HK2: variants seen among roughly 807,000 people sequenced by gnomAD.
The protein encoded by HK2 is hexokinase 2, also known as hexokinase-2.
Under a neutral mutation model 92.9 loss-of-function variants are expected in HK2, and 42 were observed. The observed-to-expected ratio is 0.45, with a 90% CI of 0.35 to 0.58. The LOEUF is 0.58. Ranked by LOEUF, HK2 falls within the 20% of genes least tolerant of loss-of-function variation. The pLI is 0.00. For synonymous variants in HK2, 422 were observed against 468.0 expected, an observed-to-expected ratio of 0.90 and a Z score of 1.27; for missense variants, 978 against 1,245.1, an observed-to-expected ratio of 0.79 and a Z score of 3.23.
At chr2:74,848,175 C>T (rs1263438711) in intron 1 of HK2, among the ~76,000 whole-genome samples, 1 of 152,108 alleles carries the variant, frequency 6.6e-6, no homozygotes, top group Admixed American at 6.5e-5. Flanking sequence ...TCTCTCAGGC[C>T]ACTTAAATCT....
chr2:74,856,302 GTGTT>G (rs1688694811), intron 2 of HK2, among the ~76,000 whole-genome samples: 1 of 152,114 alleles, frequency 6.6e-6, no homozygotes, highest in Non-Finnish European at 1.5e-5. Flanking sequence ...AAATAAGTAA[GTGTT>G]TGCTGAAGCC....
At position 74,841,272 on chromosome 2, in the gene HK2, G is replaced by A. The variant is rs142610862; in HGVS notation, c.63+6629G>A. ...GGTTGTCACAAAGGTTTGGGTGAGTGTGTGTTACTGACATCTAGTAAGCAG... is the reference window on the plus strand; with the variant it reads ...GGTTGTCACAAAGGTTTGGGTGAGTATGTGTTACTGACATCTAGTAAGCAG... On this transcript the variant is annotated intron_variant, in intron 1 of 17. Transcript: ENST00000290573. 3.0e-4 allele frequency among the ~76,000 whole-genome samples: 45 copies of A among 151,814 alleles called. No homozygotes were observed. In the East Asian group the frequency reaches 6.2e-3, roughly 21 times the overall value.
In HK2 at chr2:74,834,786, C is replaced by A; in HGVS notation, c.63+143C>A. On this transcript the variant is annotated intron_variant, in intron 1 of 17. Transcript: ENST00000290573. The surrounding 1 kb of genome is among the most constrained non-coding windows in gnomAD (Gnocchi z 4.2). ...AAAAAGTTTGGGCAGCCGGGACACT[C>A]CTGGGCGCCAGGAGCCACGTCCGCT... The A allele has an allele frequency of 1.1e-6, 1 of 893,236 alleles. No individual in the cohort carries two copies. The highest frequency in any genetic ancestry group is 1.4e-5 in the South Asian group (1 of 73,296). The allele number at this position is 893,236 out of a possible 1,614,324, so 55.3% of individuals were successfully genotyped here.
At position 74,835,622 on chromosome 2, in the gene HK2, G is replaced by C. The variant is rs373529197; in HGVS notation, c.63+979G>C. On this transcript the variant is annotated intron_variant, in intron 1 of 17. Transcript: ENST00000290573. ...GGGTATGGGGGTGGGGATGGGGCCG[G>C]GGCCGGGGACGGGCAGGGCCAGGGG... Among the ~76,000 whole-genome samples the C allele has an allele frequency of 3.6e-4, 55 of 152,322 alleles. 1 individual carries two copies. In the East Asian group the frequency reaches 0.01, roughly 29 times the overall value.
At chr2:74,846,383 C>T (rs1688436994) in intron 1 of HK2, among the ~76,000 whole-genome samples, 1 of 152,082 alleles carries the variant, frequency 6.6e-6, no homozygotes, top group Non-Finnish European at 1.5e-5. Flanking sequence ...CAGCAGGTAA[C>T]CACCATCCAG....
chr2:74,887,808 G>T (rs968961802), intron 15 of HK2, 95 bp from the exon 16 acceptor site: 76 of 1,136,484 alleles, frequency 6.7e-5, no homozygotes, highest in Non-Finnish European at 8.3e-5. Flanking sequence ...GTCTGCCACT[G>T]CTGATGCACT....
intron 1 of HK2, among the ~76,000 whole-genome samples, chr2:74,835,939 G>A (rs1688156011): frequency 6.6e-6 from 1 of 152,176 alleles, no homozygotes; most frequent in African/African-American, 2.4e-5. Context: ...ATGTAGTGAT[G>A]GCGCGTGAAC....
chr2:74,867,888 C>T lies in HK2; in HGVS notation c.375+104C>T. The T allele has an allele frequency of 3.8e-6, 5 of 1,305,434 alleles. No individual in the cohort carries two copies. In the South Asian group the frequency reaches 5.9e-5, roughly 15 times the overall value. The allele number at this position is 1,305,434 out of a possible 1,614,324, so 80.9% of individuals were successfully genotyped here. On this transcript the variant is annotated intron_variant, in intron 3 of 17. Transcript: ENST00000290573. ...TCCCAGCGTGTGGATAGGCAGTCAC[C>T]CAAGACACTCATGGATGCCAGCACA...
At chr2:74,860,658 G>C (rs1470106184) in intron 2 of HK2, among the ~76,000 whole-genome samples, 1 of 152,174 alleles carries the variant, frequency 6.6e-6, no homozygotes, top group African/African-American at 2.4e-5. Flanking sequence ...CACCCGGGCA[G>C]TTTCCAGTTT....
intron 1 of HK2, among the ~76,000 whole-genome samples, chr2:74,845,333 A>T (rs1474841664): frequency 6.6e-6 from 1 of 152,108 alleles, no homozygotes; most frequent in Non-Finnish European, 1.5e-5. Flanking sequence ...CTCAGTCAAT[A>T]TCTGTTGGCA....
chr2:74,836,928 C>G (rs930737529), intron 1 of HK2, among the ~76,000 whole-genome samples: 1 of 152,148 alleles, frequency 6.6e-6, no homozygotes, highest in Non-Finnish European at 1.5e-5. Flanking sequence ...AGTCTGAGGA[C>G]GTGGAAGGCT....
At chr2:74,836,466 CTT>C (rs1305129050) in intron 1 of HK2, among the ~76,000 whole-genome samples, 1 of 152,198 alleles carries the variant, frequency 6.6e-6, no homozygotes, top group East Asian at 1.9e-4. Flanking sequence ...GCCCGTTTCT[CTT>C]TGTGAAATGC....
intron 8 of HK2, among the ~76,000 whole-genome samples, chr2:74,878,449 A>G (rs995732962): frequency 1.3e-5 from 2 of 150,938 alleles, no homozygotes; most frequent in African/African-American, 4.9e-5. Context: ...GCGCACGCAC[A>G]TGCGTGTGCG....
chr2:74,857,172 G>C (rs1278810737), intron 2 of HK2, among the ~76,000 whole-genome samples: 1 of 152,180 alleles, frequency 6.6e-6, no homozygotes. Flanking sequence ...CATTTGCAGG[G>C]GGTCCATAGG....
intron 1 of HK2, among the ~76,000 whole-genome samples, chr2:74,843,364 C>T (rs1293381052): frequency 2.0e-5 from 3 of 152,190 alleles, no homozygotes; most frequent in African/African-American, 7.2e-5. Flanking sequence ...CATCCCACCT[C>T]TTGAACAGCC....
rs898229537 is a variant in HK2, at chr2:74,889,342, G to C, written c.2473G>C (p.Val825Leu). 1 of 1,614,234 alleles carries C rather than the reference G, an allele frequency of 6.2e-7. No homozygotes were observed. Among genetic ancestry groups the C allele is most frequent in the Admixed American group, 1.7e-5 (1 of 60,026 alleles). ...CATCATTGTTAAGGAGGTGTGCACT[G>C]TGGTGGCCCGGCGGGCAGCCCAGCT... ...DSIIVKEVCT[V>L]VARRAAQLCG... Residue 825 changes from valine to leucine, a missense_variant, in exon 17 of 18, where the codon GTG (valine) becomes CTG (leucine). Val to Leu is a conservative substitution (Grantham distance 32). This residue lies in a region of HK2 where 742 missense variants were observed against 922.5 expected (regional missense o/e 0.80). Coordinates refer to ENST00000290573, the MANE Select transcript of HK2 (RefSeq NM_000189.5).
At position 74,834,685 on chromosome 2, in the gene HK2, A is replaced by T; in HGVS notation, c.63+42A>T. 6.2e-7 allele frequency: 1 copy of T among 1,600,166 alleles called. No homozygotes were observed. Among genetic ancestry groups the T allele is most frequent in the South Asian group, 1.1e-5 (1 of 90,822 alleles). ...GGGGCGGCAGGCTGGGCTCTGGCAAAGTGGTCTGGCCTCCATCAGTCTCTT... is the reference window on the plus strand; with the variant it reads ...GGGGCGGCAGGCTGGGCTCTGGCAATGTGGTCTGGCCTCCATCAGTCTCTT... On this transcript the variant is annotated intron_variant, in intron 1 of 17. Transcript: ENST00000290573. This position sits in a 1 kb window ranked among gnomAD's most constrained non-coding sequence, Gnocchi z 4.2.
rs189843458 is a variant in HK2, at chr2:74,860,454, A to G, written c.226+5999A>G. On this transcript the variant is annotated intron_variant, in intron 2 of 17. Transcript: ENST00000290573. ...CCCCCAGAGGCAATCACATTCTACT[A>G]TTTTCCACATATGTGAGTTTTGCCT... Among the ~76,000 whole-genome samples the G allele has an allele frequency of 2.3e-3, 356 of 152,242 alleles. 2 individuals carry two copies. Among genetic ancestry groups the G allele is most frequent in the African/African-American group, 8.3e-3 (343 of 41,546 alleles).
chr2:74,836,899 C>G (rs76069767), intron 1 of HK2, among the ~76,000 whole-genome samples: 49 of 152,300 alleles, frequency 3.2e-4, no homozygotes, highest in Non-Finnish European at 5.9e-4. Flanking sequence ...ATAAGATAAT[C>G]TTACATATTC....
Sources: gnomAD v4.1 joint callset for allele counts (sites outside exome capture counted in the v4.1 genomes callset) on GRCh38, gnomAD v4.1.1 for gene constraint, gnomAD v4.1.1 regional missense constraint, Gnocchi (gnomAD v3.1) non-coding constraint, MANE v1.5 for transcripts, NCBI Gene and HGNC (gene_info 2026-07-23, HGNC 2026-07-21) for gene names.